WWOX: variants seen among roughly 807,000 people sequenced by gnomAD.
WWOX encodes WW domain containing oxidoreductase, also known as WW domain-containing oxidoreductase.
WWOX carries 69 observed loss-of-function variants against 46.2 expected under a neutral mutation model. The ratio of observed to expected loss-of-function variants is 1.49; its 90% CI spans 1.23 to 1.82. The LOEUF (loss-of-function observed/expected upper bound fraction) is 1.82. WWOX is among the 40% of genes most tolerant of loss of function. The probability of loss-of-function intolerance (pLI) is 0.00; values close to 1 mark genes in which losing one functional copy is unlikely to be tolerated. For missense variants in WWOX, 919 were observed against 542.6 expected (o/e 1.69, Z -6.89); for synonymous variants, 359 against 202.6 (o/e 1.77, Z -6.56).
chr16:79,171,996 A>G (rs2050708780), intron 8 of WWOX, among the ~76,000 whole-genome samples: 1 of 152,192 alleles, frequency 6.6e-6, no homozygotes, highest in African/African-American at 2.4e-5. Context: ...TGAGTCAGAC[A>G]GGTCATCCTG....
chr16:78,770,412 C>A (rs925191130), intron 8 of WWOX, among the ~76,000 whole-genome samples: 1 of 152,122 alleles, frequency 6.6e-6, no homozygotes, highest in Non-Finnish European at 1.5e-5. Context: ...CAGCCAGTAC[C>A]AATGGGGGAT....
At chr16:78,304,350 C>T (rs1012330945) in intron 5 of WWOX, among the ~76,000 whole-genome samples, 5 of 152,180 alleles carry the variant, frequency 3.3e-5, no homozygotes, top group African/African-American at 9.7e-5. Flanking sequence ...AACATTCAAA[C>T]GATGGAAAGG....
chr16:78,427,505 C>G (rs962178454), intron 7 of WWOX, among the ~76,000 whole-genome samples: 1 of 152,016 alleles, frequency 6.6e-6, no homozygotes, highest in East Asian at 1.9e-4. Flanking sequence ...TTGCCCTCCC[C>G]CACCCCACAC....
At chr16:79,062,362 A>G (rs959550754) in intron 8 of WWOX, among the ~76,000 whole-genome samples, 3 of 152,216 alleles carry the variant, frequency 2.0e-5, no homozygotes, top group Admixed American at 1.3e-4. Context: ...TGGGGACCTC[A>G]TAATAGTCGT....
chr16:78,871,849 C>T (rs2044135810), intron 8 of WWOX, among the ~76,000 whole-genome samples: 1 of 152,140 alleles, frequency 6.6e-6, no homozygotes, highest in African/African-American at 2.4e-5. Context: ...GTGATCCGCC[C>T]ACCTTGGCCT....
intron 8 of WWOX, among the ~76,000 whole-genome samples, chr16:78,598,648 TCTC>T (rs1341349959): frequency 2.0e-5 from 3 of 151,978 alleles, no homozygotes; most frequent in African/African-American, 7.3e-5. Context: ...TGAAAAGAAA[TCTC>T]CTTTCAAAAA....
intron 8 of WWOX, among the ~76,000 whole-genome samples, chr16:78,981,529 C>A (rs1363172360): frequency 6.6e-6 from 1 of 151,984 alleles, no homozygotes; most frequent in Non-Finnish European, 1.5e-5. Context: ...CCTCCACTTT[C>A]CGGGTTCAGG....
intron 8 of WWOX, among the ~76,000 whole-genome samples, chr16:78,604,268 T>A (rs1567429698): frequency 6.6e-6 from 1 of 152,190 alleles, no homozygotes; most frequent in Non-Finnish European, 1.5e-5. Flanking sequence ...CTTCCTTATT[T>A]TCTCTACCAC....
intron 8 of WWOX, among the ~76,000 whole-genome samples, chr16:79,061,846 C>T (rs1394260631): frequency 6.6e-6 from 1 of 152,140 alleles, no homozygotes; most frequent in Non-Finnish European, 1.5e-5. Context: ...CACCTCCTGA[C>T]AAGGTTTTGG....
In WWOX at chr16:79,166,059, G is replaced by A. The variant is rs111273775; in HGVS notation, c.1057-45549G>A. On this transcript the variant is annotated intron_variant, in intron 8 of 8. Coordinates refer to ENST00000566780, the MANE Select transcript of WWOX (RefSeq NM_016373.4). ...CAGTGATCTCCTTTAAAAAGGCTGCGTCCCAGCAGCATAGACCAGCTTTAC... is the reference window on the plus strand; with the variant it reads ...CAGTGATCTCCTTTAAAAAGGCTGCATCCCAGCAGCATAGACCAGCTTTAC... Among the ~76,000 whole-genome samples the A allele has an allele frequency of 7.4e-3, 1,127 of 152,302 alleles. 7 individuals are homozygous for A. The highest frequency in any genetic ancestry group is 0.011 in the South Asian group (54 of 4,822).
At chr16:78,543,837 C>T (rs2043958401) in intron 8 of WWOX, among the ~76,000 whole-genome samples, 1 of 152,134 alleles carries the variant, frequency 6.6e-6, no homozygotes, top group Non-Finnish European at 1.5e-5. Flanking sequence ...GATAGGTGCC[C>T]TGTCTTCCTG....
At chr16:78,935,217 C>G (rs1289217615) in intron 8 of WWOX, among the ~76,000 whole-genome samples, 2 of 152,146 alleles carry the variant, frequency 1.3e-5, no homozygotes, top group South Asian at 2.1e-4. Context: ...GGATCTAGAA[C>G]TAGAAATACC....
At chr16:78,478,610 G>T (rs548976760) in intron 8 of WWOX, among the ~76,000 whole-genome samples, 36 of 152,216 alleles carry the variant, frequency 2.4e-4, no homozygotes, top group African/African-American at 7.7e-4. Flanking sequence ...TCCCACCTTT[G>T]GAAGCTGCAT....
intron 8 of WWOX, among the ~76,000 whole-genome samples, chr16:78,651,518 G>T (rs992945939): frequency 2.6e-5 from 4 of 152,222 alleles, no homozygotes; most frequent in Non-Finnish European, 4.4e-5. Context: ...CATGAGGCCA[G>T]AGTCTATCCT....
intron 8 of WWOX, among the ~76,000 whole-genome samples, chr16:78,842,553 T>A (rs746071634): frequency 6.6e-6 from 1 of 152,006 alleles, no homozygotes; most frequent in Non-Finnish European, 1.5e-5. Context: ...CTAAGATGAT[T>A]GGAAACAGTG....
intron 8 of WWOX, among the ~76,000 whole-genome samples, chr16:78,666,495 A>G (rs1044694684): frequency 1.3e-5 from 2 of 152,144 alleles, no homozygotes; most frequent in African/African-American, 4.8e-5. Context: ...GCCTTTAAAA[A>G]ATTGTTTTAA....
chr16:78,432,018 T>C (rs904493830), intron 7 of WWOX, among the ~76,000 whole-genome samples: 1 of 152,184 alleles, frequency 6.6e-6, no homozygotes, highest in African/African-American at 2.4e-5. Flanking sequence ...ACATGACCTG[T>C]GTTTATATTG....
intron 8 of WWOX, among the ~76,000 whole-genome samples, chr16:78,439,403 A>G (rs1400385781): frequency 6.6e-6 from 1 of 152,152 alleles, no homozygotes; most frequent in African/African-American, 2.4e-5. Flanking sequence ...GTCCTCTTAC[A>G]CCACTGAGGC....
chr16:78,761,168 A>T (rs1038543519), intron 8 of WWOX, among the ~76,000 whole-genome samples: 1 of 152,160 alleles, frequency 6.6e-6, no homozygotes, highest in African/African-American at 2.4e-5. Context: ...TTGTGTTCTT[A>T]TAAGAACTAT....
Sources: allele counts gnomAD v4.1 joint callset (sites outside exome capture counted in the v4.1 genomes callset), GRCh38; gene constraint gnomAD v4.1.1; transcripts MANE v1.5; gene names NCBI Gene and HGNC (gene_info 2026-07-23, HGNC 2026-07-21).